Variants in TNRC18 observed in about 807,000 individuals in gnomAD.
TNRC18 encodes trinucleotide repeat containing 18, also known as trinucleotide repeat-containing gene 18 protein.
Under a neutral mutation model 226.7 loss-of-function variants are expected in TNRC18, and 69 were observed. The ratio of observed to expected loss-of-function variants is 0.30; its 90% CI spans 0.25 to 0.37. The LOEUF (loss-of-function observed/expected upper bound fraction) is 0.37. Among genes scored for constraint, TNRC18 ranks in the 10% least tolerant of loss-of-function variants. The pLI, the probability that TNRC18 is intolerant of heterozygous loss-of-function variation, is 1.00. For synonymous variants in TNRC18, 2,449 were observed against 1,927.6 expected (o/e 1.27, Z -7.09); for missense variants, 4,754 against 4,256.6 (o/e 1.12, Z -3.25).
chr7:5,422,025 G>A (rs1782616473), intron 1 of TNRC18, among the ~76,000 whole-genome samples: 1 of 152,126 alleles, frequency 6.6e-6, no homozygotes, highest in South Asian at 2.1e-4. Flanking sequence ...CCGACGGAAT[G>A]GTGTTTTTCT....
At chr7:5,351,486 TG>T (rs1484977187) in intron 17 of TNRC18, among the ~76,000 whole-genome samples, 35 of 7,432 alleles carry the variant, frequency 4.7e-3, no homozygotes, top group African/African-American at 0.02. Context: ...AGTGCGGGGG[TG>T]GGGGGAACTC....
rs753861831 is a variant in TNRC18 at position 5,313,004 on chromosome 7, TGAGGAGGAGGAGGAG to T, written c.7872_7886del (p.Ser2667_Ser2671del). On this transcript the variant is annotated inframe_deletion, in exon 27 of 30. Coordinates refer to ENST00000430969, the MANE Select transcript of TNRC18 (RefSeq NM_001080495.3). ...AAGAGGAGGAGGAGGAAGAGGAGGA[TGAGGAGGAGGAGGAG>T]GAGGAGGAGGAGGATGAGGAGGAGG... The T allele has an allele frequency of 1.5e-5, 11 of 749,626 alleles. No homozygotes were observed. Among genetic ancestry groups the T allele is most frequent in the South Asian group, 5.5e-5 (3 of 54,986 alleles). The allele number at this position is 749,626 out of a possible 1,614,324, so 46.4% of individuals were successfully genotyped here.
intron 17 of TNRC18, among the ~76,000 whole-genome samples, chr7:5,351,446 C>G (rs965874811): frequency 4.2e-5 from 6 of 143,256 alleles, no homozygotes; most frequent in African/African-American, 1.5e-4. Context: ...CCGAACCAAG[C>G]CTGGGGTCTC....
intron 2 of TNRC18, among the ~76,000 whole-genome samples, chr7:5,406,046 AT>A (rs1781442119): frequency 6.6e-6 from 1 of 152,202 alleles, no homozygotes; most frequent in African/African-American, 2.4e-5. Flanking sequence ...GATAAACAAA[AT>A]GGGGTCCATC....
chr7:5,319,424 G>A (rs1788135413), intron 24 of TNRC18, among the ~76,000 whole-genome samples: 2 of 152,224 alleles, frequency 1.3e-5, no homozygotes, highest in South Asian at 2.1e-4. Context: ...GCTAAGGGTT[G>A]GACCATTTGA....
At chr7:5,410,323 AAAAAAAAG>A (rs1481466593) in intron 2 of TNRC18, among the ~76,000 whole-genome samples, 13 of 151,590 alleles carry the variant, frequency 8.6e-5, no homozygotes, top group African/African-American at 3.1e-4. Flanking sequence ...AAAAAAAAAA[AAAAAAAAG>A]AAAAGAAAAA....
chr7:5,374,752 G>A (rs1038662790), intron 9 of TNRC18, among the ~76,000 whole-genome samples: 2 of 152,220 alleles, frequency 1.3e-5, no homozygotes, highest in Non-Finnish European at 2.9e-5. Flanking sequence ...GGCTGATGGG[G>A]GACCTCCACC....
At position 5,313,013 on chromosome 7, in the gene TNRC18, G is replaced by GGAT. The variant is rs1562477557; in HGVS notation, c.7877_7878insATC (p.Ser2671dup). On this transcript the variant is annotated inframe_insertion, in exon 27 of 30. Transcript: ENST00000430969. ...AGGAGGAAGAGGAGGATGAGGAGGA[G>GGAT]GAGGAGGAGGAGGAGGAGGATGAGG... 53 of 836,600 alleles carry GGAT rather than the reference G, an allele frequency of 6.3e-5. No individual in the cohort carries two copies. The highest frequency in any genetic ancestry group is 1.4e-4 in the African/African-American group (8 of 57,654). The allele number at this position is 836,600 out of a possible 1,614,324, so 51.8% of individuals were successfully genotyped here. A position where few individuals can be genotyped will look rare whatever the true frequency, so the allele number is the denominator to read the frequency against.
At chr7:5,417,152 C>G (rs1159276171) in intron 2 of TNRC18, among the ~76,000 whole-genome samples, 1 of 148,470 alleles carries the variant, frequency 6.7e-6, no homozygotes, top group African/African-American at 2.5e-5. Context: ...AAAACCCTGT[C>G]TCTAAAAAAA....
At chr7:5,344,590 G>C (rs1027831272) in intron 18 of TNRC18, among the ~76,000 whole-genome samples, 10 of 152,164 alleles carry the variant, frequency 6.6e-5, no homozygotes, top group Non-Finnish European at 1.5e-5. Context: ...GCCAGGGGCA[G>C]CTGGGGGGCC....
intron 19 of TNRC18, among the ~76,000 whole-genome samples, chr7:5,329,302 TAA>T (rs1195830784): frequency 7.2e-6 from 1 of 139,494 alleles, no homozygotes. Context: ...ATTCTGTCTT[TAA>T]AAAAAAAAAA....
In TNRC18 at chr7:5,312,177, C is replaced by G; in HGVS notation, c.8388+326G>C. ...AAAAATCCCAGAGGCCTGGAAAGCC[C>G]CTTCCACGTGGCGCCGACGCCTGTG... On this transcript the variant is annotated intron_variant, in intron 27 of 29. Coordinates refer to ENST00000430969, the MANE Select transcript of TNRC18 (RefSeq NM_001080495.3). This position sits in a 1 kb window ranked among gnomAD's most constrained non-coding sequence, Gnocchi z 6.3. 6.6e-6 allele frequency among the ~76,000 whole-genome samples: 1 copy of G among 152,192 alleles called. No homozygotes were observed. The highest frequency in any genetic ancestry group is 2.1e-4 in the South Asian group (1 of 4,828).
Position 5,388,231 on chromosome 7 carries a change from G to A in TNRC18, c.1593C>T (p.His531=), listed in dbSNP as rs750789366. ...CGGCCTCCTCTTCGGCGCGGCTGTG[G>A]TGGTGCTGCGCGGCCAGCACGGCCA... The part of the protein sequence containing the change: ...TQMAVLAAQH[H]HSRAEEEAAV... Residue 531 remains histidine, a synonymous_variant, in exon 5 of 30, where the codon CAC becomes CAT. Coordinates refer to ENST00000430969, the MANE Select transcript of TNRC18 (RefSeq NM_001080495.3). 38 of 1,605,048 alleles carry A rather than the reference G, an allele frequency of 2.4e-5. No homozygotes were observed. The Middle Eastern group carries it at 2.2e-3, about 91-fold the overall frequency.
chr7:5,321,406 C>CCT (rs111352448), intron 21 of TNRC18, among the ~76,000 whole-genome samples: 1 of 152,098 alleles, frequency 6.6e-6, no homozygotes, highest in African/African-American at 2.4e-5. Flanking sequence ...GTGGCCAGCC[C>CCT]CTCTCCTCCT....
At chr7:5,330,066 G>T (rs1412208644) in intron 19 of TNRC18, 3 of 451,600 alleles carry the variant, frequency 6.6e-6, no homozygotes, top group Non-Finnish European at 1.4e-5. Context: ...CACTGTTAAT[G>T]TGTGGTAGGT....
chr7:5,407,363 G>C (rs529725172), intron 2 of TNRC18: 1 of 152,522 alleles, frequency 6.6e-6, no homozygotes, highest in South Asian at 2.1e-4. Context: ...AGGAGAGCCT[G>C]GGGGCTGGCC....
At chr7:5,316,274 CT>C (rs1278896095) in intron 24 of TNRC18, among the ~76,000 whole-genome samples, 18 of 86,550 alleles carry the variant, frequency 2.1e-4, no homozygotes, top group African/African-American at 3.3e-4. Context: ...AGAAATGGGT[CT>C]TTTTTTTTTT....
In TNRC18 at chr7:5,313,028, G is replaced by GAGGATGAGGAGGAGGAGGAGGAGGAT. The variant is rs1787422786; in HGVS notation, c.7862_7863insATCCTCCTCCTCCTCCTCCTCATCCT (p.Ser2631ProfsTer179). 1 of 870,148 alleles carries GAGGATGAGGAGGAGGAGGAGGAGGAT rather than the reference G, an allele frequency of 1.1e-6. No homozygotes were observed. Among genetic ancestry groups the GAGGATGAGGAGGAGGAGGAGGAGGAT allele is most frequent in the African/African-American group, 1.7e-5 (1 of 57,344 alleles). The allele number at this position is 870,148 out of a possible 1,614,324, so 53.9% of individuals were successfully genotyped here. A position where few individuals can be genotyped will look rare whatever the true frequency, so the allele number is the denominator to read the frequency against. On this transcript the variant is annotated frameshift_variant, in exon 27 of 30. Coordinates refer to ENST00000430969, the MANE Select transcript of TNRC18 (RefSeq NM_001080495.3). LOFTEE classifies it high-confidence loss of function. ...ATGAGGAGGAGGAGGAGGAGGAGGA[G>GAGGATGAGGAGGAGGAGGAGGAGGAT]GAGGATGAGGAGGAGGAGGAGGAGG...
At chr7:5,414,685 T>G (rs1188113550) in intron 2 of TNRC18, among the ~76,000 whole-genome samples, 1 of 152,244 alleles carries the variant, frequency 6.6e-6, no homozygotes, top group Non-Finnish European at 1.5e-5. Flanking sequence ...GTACTGGGAT[T>G]ACAGGCGTGA....
Sources: gnomAD v4.1 joint callset for allele counts (sites outside exome capture counted in the v4.1 genomes callset) on GRCh38, gnomAD v4.1.1 for gene constraint, Gnocchi (gnomAD v3.1) non-coding constraint, MANE v1.5 for transcripts, NCBI Gene and HGNC (gene_info 2026-07-23, HGNC 2026-07-21) for gene names.